CSNK1G1: variants seen among roughly 807,000 people sequenced by gnomAD.
The protein encoded by CSNK1G1 is casein kinase I isoform gamma-1.
A neutral mutation model predicts 59.6 loss-of-function variants in CSNK1G1; 22 were observed. That is an observed-to-expected ratio of 0.37 (90% CI 0.26 to 0.53). CSNK1G1 has a LOEUF of 0.53. Ranked by LOEUF, CSNK1G1 falls within the 20% of genes least tolerant of loss-of-function variation. The probability of loss-of-function intolerance (pLI) is 0.89; values close to 1 mark genes in which losing one functional copy is unlikely to be tolerated. For missense variants in CSNK1G1, 384 were observed against 519.5 expected (o/e 0.74, Z 2.54); for synonymous variants, 179 against 177.1 (o/e 1.01, Z -0.08).
At chr15:64,231,365 T>A (rs1391053824) in intron 4 of CSNK1G1, among the ~76,000 whole-genome samples, 1 of 147,328 alleles carries the variant, frequency 6.8e-6, no homozygotes, top group Non-Finnish European at 1.5e-5. Flanking sequence ...TATTTTATAT[T>A]TATATAAACA....
chr15:64,353,990 G>A (rs535333744), intron 1 of CSNK1G1, among the ~76,000 whole-genome samples: 23 of 152,008 alleles, frequency 1.5e-4, no homozygotes, highest in Non-Finnish European at 3.2e-4. Context: ...AGGTGCTGCT[G>A]ATGCTGCTGA....
intron 10 of CSNK1G1, among the ~76,000 whole-genome samples, chr15:64,197,218 T>G (rs2082049818): frequency 2.0e-5 from 3 of 152,252 alleles, no homozygotes; most frequent in Non-Finnish European, 4.4e-5. Context: ...TTTCTCCTTC[T>G]ACTGTAAGTA....
At chr15:64,329,221 A>C (rs370243826) in intron 1 of CSNK1G1, among the ~76,000 whole-genome samples, 1 of 151,890 alleles carries the variant, frequency 6.6e-6, no homozygotes, top group Non-Finnish European at 1.5e-5. Context: ...CAGAATATAC[A>C]TTTTTTTCAG....
At chr15:64,189,503 G>C in intron 10 of CSNK1G1, 1 of 1,210,008 alleles carries the variant, frequency 8.3e-7, no homozygotes, top group Non-Finnish European at 1.1e-6. Flanking sequence ...AAAATGAGTA[G>C]TTGGAGAGGC....
At chr15:64,253,413 A>G (rs1434054128) in intron 3 of CSNK1G1, among the ~76,000 whole-genome samples, 4 of 152,184 alleles carry the variant, frequency 2.6e-5, no homozygotes, top group Non-Finnish European at 5.9e-5. Flanking sequence ...TCAAAAACAG[A>G]AAAATAACAA....
intron 1 of CSNK1G1, among the ~76,000 whole-genome samples, chr15:64,321,972 T>C (rs1434152657): frequency 6.6e-6 from 1 of 152,242 alleles, no homozygotes; most frequent in Non-Finnish European, 1.5e-5. Context: ...TCTAATTGGA[T>C]CTTATCTAAC....
intron 4 of CSNK1G1, among the ~76,000 whole-genome samples, chr15:64,240,934 C>T (rs954318711): frequency 1.3e-5 from 2 of 151,890 alleles, no homozygotes; most frequent in African/African-American, 4.8e-5. Flanking sequence ...CACCAAGTTG[C>T]GATGATTAAC....
At chr15:64,193,174 TG>T (rs1394636819) in intron 10 of CSNK1G1, among the ~76,000 whole-genome samples, 1 of 151,650 alleles carries the variant, frequency 6.6e-6, no homozygotes, top group Non-Finnish European at 1.5e-5. Flanking sequence ...TATGATATGG[TG>T]GGGGTAAGAC....
intron 11 of CSNK1G1, among the ~76,000 whole-genome samples, chr15:64,179,479 G>A (rs549997074): frequency 2.0e-5 from 3 of 152,208 alleles, no homozygotes; most frequent in Admixed American, 6.5e-5. Flanking sequence ...ACAAGACCCT[G>A]GGATATCCTG....
intron 10 of CSNK1G1, among the ~76,000 whole-genome samples, chr15:64,187,455 C>T (rs1355402930): frequency 6.6e-6 from 1 of 152,106 alleles, no homozygotes; most frequent in Non-Finnish European, 1.5e-5. Context: ...CTGCTTTGGC[C>T]TCCCAAAGTG....
chr15:64,260,828 T>C (rs891408987), intron 2 of CSNK1G1, among the ~76,000 whole-genome samples: 4 of 152,150 alleles, frequency 2.6e-5, no homozygotes, highest in African/African-American at 9.7e-5. Flanking sequence ...GCAATATAAC[T>C]ACATCATTAA....
intron 10 of CSNK1G1, among the ~76,000 whole-genome samples, chr15:64,197,239 C>G (rs1596078157): frequency 6.6e-6 from 1 of 152,202 alleles, no homozygotes; most frequent in Non-Finnish European, 1.5e-5. Flanking sequence ...TGAGACTAAA[C>G]AGTTTGTTGA....
intron 4 of CSNK1G1, among the ~76,000 whole-genome samples, chr15:64,238,518 A>AAAAAAAATATATATATATATATAT (rs1555396879): frequency 1.2e-4 from 6 of 49,220 alleles, no homozygotes; most frequent in African/African-American, 3.5e-4. Context: ...AAAAAAAAAA[A>AAAAAAAATATATATATATATATAT]ATATATATAT....
intron 10 of CSNK1G1, among the ~76,000 whole-genome samples, chr15:64,193,491 CA>C (rs10631811): frequency 3.0e-5 from 4 of 131,970 alleles, no homozygotes; most frequent in African/African-American, 1.2e-4. Context: ...GACTCTGTCT[CA>C]AAAAAAAAAA....
intron 3 of CSNK1G1, 197 bp downstream of exon 3, chr15:64,259,004 T>G (rs1179363639): frequency 2.6e-6 from 1 of 389,718 alleles, no homozygotes; most frequent in Admixed American, 4.5e-5. Flanking sequence ...TAGTATCATT[T>G]AACTATATAG....
intron 11 of CSNK1G1, among the ~76,000 whole-genome samples, chr15:64,172,468 C>T (rs2081685055): frequency 6.6e-6 from 1 of 152,194 alleles, no homozygotes; most frequent in Non-Finnish European, 1.5e-5. Context: ...ATGTCTGGAA[C>T]TCTAGGAGGA....
chr15:64,186,700 A>C lies in CSNK1G1; in HGVS notation c.1108-6246T>G, dbSNP rs142153355. On this transcript the variant is annotated intron_variant, in intron 10 of 11. Transcript: ENST00000303052. ...AATTTTTCTGTTTTGTGTAGAGACA[A>C]TATCTTGCTATATTGCCAGGATGGT... Among the ~76,000 whole-genome samples, 721 of 152,184 alleles carry C rather than the reference A, an allele frequency of 4.7e-3. 6 individuals carry two copies. Among genetic ancestry groups the C allele is most frequent in the African/African-American group, 0.016 (671 of 41,528 alleles).
chr15:64,292,852 T>C (rs1167795695), intron 2 of CSNK1G1, among the ~76,000 whole-genome samples: 1 of 152,016 alleles, frequency 6.6e-6, no homozygotes, highest in African/African-American at 2.4e-5. Flanking sequence ...TGCTTGAACC[T>C]GGGAGGCAGA....
At chr15:64,317,877 A>G (rs541078354) in intron 1 of CSNK1G1, among the ~76,000 whole-genome samples, 1 of 152,222 alleles carries the variant, frequency 6.6e-6, no homozygotes, top group South Asian at 2.1e-4. Flanking sequence ...AGTGCAACTG[A>G]TTTTTCTTGA....
Sources: allele counts gnomAD v4.1 joint callset (sites outside exome capture counted in the v4.1 genomes callset), GRCh38; gene constraint gnomAD v4.1.1; transcripts MANE v1.5; gene names NCBI Gene and HGNC (gene_info 2026-07-23, HGNC 2026-07-21).